Variants in PRKCH observed in about 807,000 individuals in gnomAD.
PRKCH encodes the protein protein kinase C eta type.
In PRKCH, 28 loss-of-function variants were observed where a neutral mutation model predicts 82.5. That is an observed-to-expected ratio of 0.34 (90% CI 0.25 to 0.47). The LOEUF is 0.47. Among genes scored for constraint, PRKCH ranks in the 20% least tolerant of loss-of-function variants. The probability of loss-of-function intolerance (pLI) is 1.00; values close to 1 mark genes in which losing one functional copy is unlikely to be tolerated. For missense variants in PRKCH, 705 were observed against 881.8 expected (o/e 0.80, Z 2.54); for synonymous variants, 322 against 327.4 (o/e 0.98, Z 0.18).
chr14:61,280,108 T>G lies in PRKCH; in HGVS notation c.-19+92440T>G. The G allele has an allele frequency of 6.2e-7, 1 of 1,611,382 alleles. No individual in the cohort carries two copies. Among genetic ancestry groups the G allele is most frequent in the Non-Finnish European group, 8.5e-7 (1 of 1,178,676 alleles). On this transcript the variant is annotated intron_variant, in intron 1 of 3. Transcript: ENST00000555185. This position sits in a 1 kb window ranked among gnomAD's most constrained non-coding sequence, Gnocchi z 5.0. ...AAGCCGGAATCACTCCTCGTCGTCG[T>G]CGTCCTGGTCCTGGTAGCGAATGTA...
At chr14:61,248,767 T>C (rs1364337524) in intron 1 of PRKCH, among the ~76,000 whole-genome samples, 1 of 100,626 alleles carries the variant, frequency 9.9e-6, no homozygotes, top group Non-Finnish European at 1.8e-5. Context: ...TATGTATGTA[T>C]GTATGTATGT....
chr14:61,547,708 A>G (rs763224623), intron 12 of PRKCH, 35 bp from the exon 13 acceptor site: 3 of 1,600,146 alleles, frequency 1.9e-6, no homozygotes, highest in African/African-American at 1.3e-5. Context: ...TTGTATGTGA[A>G]TGAATGATTG....
At chr14:61,343,152 G>A (rs1017263695) in intron 1 of PRKCH, among the ~76,000 whole-genome samples, 7 of 152,156 alleles carry the variant, frequency 4.6e-5, no homozygotes, top group Non-Finnish European at 7.3e-5. Flanking sequence ...CCTGATTGGC[G>A]TTTCCAGTAT....
At chr14:61,282,438 T>A (rs1447774088) in intron 1 of PRKCH, among the ~76,000 whole-genome samples, 2 of 152,156 alleles carry the variant, frequency 1.3e-5, no homozygotes, top group Admixed American at 6.5e-5. Flanking sequence ...ACACTACACC[T>A]AGCATAATAT....
In PRKCH at chr14:61,539,379, C is replaced by G. The variant is rs540015980; in HGVS notation, c.1762-8364C>G. On this transcript the variant is annotated intron_variant, in intron 12 of 13. Transcript: ENST00000332981. The stretch of plus-strand genomic sequence containing the variant: ...AGCAAACCCACCACGGATTTGAGCA[C>G]TGCCCCTGCCCGCTAGAGGAACAGT... Among the ~76,000 whole-genome samples the G allele has an allele frequency of 1.5e-3, 221 of 152,304 alleles. 1 individual carries two copies. In the Middle Eastern group the frequency reaches 0.024, roughly 16 times the overall value.
intron 7 of PRKCH, 112 bp from the exon 8 acceptor site, chr14:61,457,064 C>T (rs1435509326): frequency 2.6e-6 from 3 of 1,173,552 alleles, no homozygotes; most frequent in Non-Finnish European, 3.6e-6. Context: ...TTGATCTTTC[C>T]CCCACGTTAT....
At chr14:61,244,685 C>T (rs532082092) in intron 1 of PRKCH, among the ~76,000 whole-genome samples, 7 of 152,180 alleles carry the variant, frequency 4.6e-5, no homozygotes, top group African/African-American at 9.7e-5. Flanking sequence ...GCCACAGTAA[C>T]GGGCATCTGG....
At chr14:61,395,290 G>GCA (rs1555383073) in intron 2 of PRKCH, among the ~76,000 whole-genome samples, 3 of 124,256 alleles carry the variant, frequency 2.4e-5, no homozygotes, top group African/African-American at 8.6e-5. Context: ...AGGAAATGGA[G>GCA]CCCCCCCCCG....
chr14:61,493,440 C>T (rs963441914), intron 10 of PRKCH, among the ~76,000 whole-genome samples: 3 of 152,172 alleles, frequency 2.0e-5, no homozygotes, highest in Non-Finnish European at 4.4e-5. Flanking sequence ...TCCTGGAATT[C>T]CACACAGTAC....
At chr14:61,354,330 G>A (rs2046120036) in intron 1 of PRKCH, among the ~76,000 whole-genome samples, 1 of 151,620 alleles carries the variant, frequency 6.6e-6, no homozygotes, top group Non-Finnish European at 1.5e-5. Context: ...CAGTTCCCAT[G>A]TTGCTTATAA....
chr14:61,508,000 T>C (rs539050806), intron 10 of PRKCH, among the ~76,000 whole-genome samples: 219 of 152,254 alleles, frequency 1.4e-3, no homozygotes, highest in Admixed American at 2.0e-3. Context: ...TTTATTGCAC[T>C]GACAGTAGTG....
chr14:61,523,557 A>G (rs571473788), intron 10 of PRKCH, among the ~76,000 whole-genome samples: 1 of 152,248 alleles, frequency 6.6e-6, no homozygotes, highest in Non-Finnish European at 1.5e-5. Context: ...CCTACTTCAT[A>G]GAGTTATTTT....
intron 1 of PRKCH, among the ~76,000 whole-genome samples, chr14:61,217,016 T>C (rs1287190689): frequency 6.6e-6 from 1 of 151,612 alleles, no homozygotes; most frequent in Admixed American, 6.6e-5. Context: ...GCATATACAT[T>C]TGTAAAAATT....
intron 1 of PRKCH, among the ~76,000 whole-genome samples, chr14:61,387,608 T>C (rs1173516152): frequency 6.6e-6 from 1 of 152,180 alleles, no homozygotes. Flanking sequence ...GGGGGGTATC[T>C]AAGCAACTAC....
At chr14:61,447,470 CCAA>C (rs1884282762) in intron 4 of PRKCH, among the ~76,000 whole-genome samples, 1 of 152,158 alleles carries the variant, frequency 6.6e-6, no homozygotes, top group African/African-American at 2.4e-5. Context: ...AATACTTCAT[CCAA>C]CAACAGCAGT....
chr14:61,348,146 C>G (rs933413303), intron 1 of PRKCH: 2 of 152,256 alleles, frequency 1.3e-5, no homozygotes, highest in African/African-American at 4.8e-5. Context: ...AATGTACAAA[C>G]TCCAGACAGA....
chr14:61,425,674 T>A (rs952956831), intron 2 of PRKCH, among the ~76,000 whole-genome samples: 2 of 152,198 alleles, frequency 1.3e-5, no homozygotes, highest in Non-Finnish European at 2.9e-5. Context: ...GAGTTAAGAC[T>A]TTGGTGAACT....
chr14:61,480,980 T>C (rs1393586533), intron 9 of PRKCH, among the ~76,000 whole-genome samples: 1 of 151,972 alleles, frequency 6.6e-6, no homozygotes, highest in East Asian at 1.9e-4. Flanking sequence ...GGGAATTGAC[T>C]CCTCTCAGAA....
intron 1 of PRKCH, among the ~76,000 whole-genome samples, chr14:61,240,971 C>A (rs1321230345): frequency 8.5e-6 from 1 of 117,030 alleles, no homozygotes; most frequent in African/African-American, 3.2e-5. Context: ...TCAATTCTGA[C>A]ACTATGTACC....
Sources: allele counts gnomAD v4.1 joint callset (sites outside exome capture counted in the v4.1 genomes callset), GRCh38; gene constraint gnomAD v4.1.1; non-coding constraint Gnocchi (gnomAD v3.1); transcripts MANE v1.5; gene names NCBI Gene and HGNC (gene_info 2026-07-23, HGNC 2026-07-21).